TACC2: variants seen among roughly 807,000 people sequenced by gnomAD.
TACC2 encodes the protein transforming acidic coiled-coil containing protein 2, also known as transforming acidic coiled-coil-containing protein 2.
In TACC2, 137 loss-of-function variants were observed where a neutral mutation model predicts 227.3. The observed-to-expected ratio is 0.60, with a 90% CI of 0.52 to 0.69. The LOEUF is 0.69. Among genes scored for constraint, TACC2 ranks in the 30% least tolerant of loss-of-function variants. TACC2 has a pLI of 0.00. For missense variants in TACC2, 3,470 were observed against 3,694.4 expected, an observed-to-expected ratio of 0.94 and a Z score of 1.57; for synonymous variants, 1,523 against 1,487.5, an observed-to-expected ratio of 1.02 and a Z score of -0.55.
chr10:122,195,624 G>C (rs184941342), intron 8 of TACC2, among the ~76,000 whole-genome samples: 79 of 152,306 alleles, frequency 5.2e-4, no homozygotes, highest in African/African-American at 1.6e-3. Flanking sequence ...TATTCCTCAT[G>C]AATCTCGTGT....
chr10:122,237,511 C>T lies in TACC2; in HGVS notation c.8244C>T (p.Asp2748=). 1 of 1,613,904 alleles carries T rather than the reference C, an allele frequency of 6.2e-7. No homozygotes were observed. Among genetic ancestry groups the T allele is most frequent in the Non-Finnish European group, 8.5e-7 (1 of 1,179,858 alleles). The change falls in exon 17 of 23, where the codon GAC becomes GAT. Residue 2748 remains aspartate, a synonymous_variant. Transcript: ENST00000369005. ...AGLLFQQPDL[D]SALQIARAEI... is the part of the protein sequence containing the mutation. ...TTCTGTTCCAGCAGCCCGACCTGGACTCTGCCCTCCAGATCGCCAGAGCAG... is the reference window on the plus strand; with the variant it reads ...TTCTGTTCCAGCAGCCCGACCTGGATTCTGCCCTCCAGATCGCCAGAGCAG...
chr10:122,151,830 T>C (rs7078373), intron 7 of TACC2, among the ~76,000 whole-genome samples: 38,369 of 151,990 alleles, frequency 0.25, 5,648 homozygotes, highest in African/African-American at 0.4. Flanking sequence ...TTCACCAACG[T>C]TGATTGAGCA....
At chr10:122,073,956 A>G (rs2078456262) in intron 3 of TACC2, among the ~76,000 whole-genome samples, 1 of 148,502 alleles carries the variant, frequency 6.7e-6, no homozygotes, top group East Asian at 2.0e-4. Flanking sequence ...ATTTTTTTGT[A>G]TGTTTTATAG....
chr10:122,118,320 G>A (rs759727607), intron 5 of TACC2, among the ~76,000 whole-genome samples: 23 of 152,022 alleles, frequency 1.5e-4, no homozygotes, highest in Non-Finnish European at 2.5e-4. Flanking sequence ...CAGCCTGGAC[G>A]TTACCTTTCT....
chr10:122,085,465 G>C lies in TACC2; in HGVS notation c.2965G>C (p.Gly989Arg), dbSNP rs1488668121. The C allele has an allele frequency of 6.2e-7, 1 of 1,613,780 alleles. No homozygotes were observed. Among genetic ancestry groups the C allele is most frequent in the Admixed American group, 1.7e-5 (1 of 60,034 alleles). ...AAAGGAAACTTGCTGCACTGGGCAGGGGCCAAACAAGTCTCAACAGGCATT... is the reference window on the plus strand; with the variant it reads ...AAAGGAAACTTGCTGCACTGGGCAGCGGCCAAACAAGTCTCAACAGGCATT... The part of the protein sequence containing the change: ...SRKETCCTGQ[G>R]PNKSQQALAD... The change falls in exon 4 of 23, where the codon GGG (glycine) becomes CGG (arginine). Residue 989 changes from glycine to arginine, a missense_variant. Around this residue, in one of 10 missense-constraint regions of TACC2, gnomAD observed 1,924 missense variants for 1,978.3 expected, o/e 0.97. Coordinates refer to ENST00000369005, the MANE Select transcript of TACC2 (RefSeq NM_206862.4).
intron 7 of TACC2, among the ~76,000 whole-genome samples, chr10:122,161,559 C>T (rs538748647): frequency 5.1e-4 from 77 of 152,374 alleles, no homozygotes; most frequent in South Asian, 1.7e-3. Context: ...GGCCACACAG[C>T]TAACGAGGGA....
chr10:122,146,733 C>T (rs2091425704), intron 7 of TACC2, among the ~76,000 whole-genome samples: 1 of 152,180 alleles, frequency 6.6e-6, no homozygotes, highest in African/African-American at 2.4e-5. Context: ...AGGTATTCTG[C>T]TATAAGCAAC....
intron 5 of TACC2, among the ~76,000 whole-genome samples, chr10:122,091,854 C>T (rs10788238): frequency 0.47 from 70,922 of 152,026 alleles, 18,631 homozygotes; most frequent in Non-Finnish European, 0.61. Flanking sequence ...GCTGTGGTGG[C>T]GATGAATTTC....
At chr10:122,133,112 C>G (rs1045264241) in intron 6 of TACC2, among the ~76,000 whole-genome samples, 10 of 152,306 alleles carry the variant, frequency 6.6e-5, no homozygotes, top group African/African-American at 2.4e-4. Flanking sequence ...TAGCTGCCTT[C>G]TGATCTCCTG....
chr10:122,162,499 T>C (rs2092879649), intron 7 of TACC2, among the ~76,000 whole-genome samples: 1 of 152,164 alleles, frequency 6.6e-6, no homozygotes, highest in African/African-American at 2.4e-5. Context: ...TGAATTCAGT[T>C]GTGAGTCTGG....
At chr10:122,104,502 G>A (rs1467632237) in intron 5 of TACC2, among the ~76,000 whole-genome samples, 5 of 152,102 alleles carry the variant, frequency 3.3e-5, no homozygotes, top group Non-Finnish European at 5.9e-5. Context: ...CTGAGTAGCT[G>A]TGATTACAGG....
chr10:122,025,595 A>G (rs1957894947), intron 2 of TACC2, among the ~76,000 whole-genome samples: 1 of 140,512 alleles, frequency 7.1e-6, no homozygotes, highest in Non-Finnish European at 1.5e-5. Flanking sequence ...TTTTTTTGAG[A>G]TGGAGTCTTG....
chr10:122,218,235 G>A (rs538656463), intron 11 of TACC2, among the ~76,000 whole-genome samples: 8 of 152,266 alleles, frequency 5.3e-5, no homozygotes, highest in East Asian at 3.9e-4. Context: ...GAGCCACCGC[G>A]CCTGACCGAT....
intron 18 of TACC2, among the ~76,000 whole-genome samples, chr10:122,240,479 A>G (rs1043345084): frequency 2.6e-5 from 4 of 152,222 alleles, no homozygotes; most frequent in African/African-American, 9.6e-5. Context: ...TGCAGAATGC[A>G]TTCTACCTTC....
intron 6 of TACC2, among the ~76,000 whole-genome samples, chr10:122,139,203 GCT>G (rs1327024834): frequency 6.6e-6 from 1 of 152,230 alleles, no homozygotes; most frequent in Non-Finnish European, 1.5e-5. Flanking sequence ...CTGAGCACGG[GCT>G]CTCTCTGTGA....
chr10:122,248,470 C>G (rs1032224445), intron 19 of TACC2, 173 bp from the exon 20 acceptor site: 1 of 719,844 alleles, frequency 1.4e-6, no homozygotes, highest in African/African-American at 1.8e-5. Flanking sequence ...GGTTTTTGTT[C>G]TGTTAGAGAC....
chr10:122,034,665 C>T (rs1456903324), intron 2 of TACC2, among the ~76,000 whole-genome samples: 3 of 152,164 alleles, frequency 2.0e-5, no homozygotes, highest in South Asian at 2.1e-4. Flanking sequence ...GGCGCAGTGG[C>T]TCACGCCTGT....
chr10:122,152,253 C>T (rs1592659510), intron 7 of TACC2, among the ~76,000 whole-genome samples: 2 of 152,302 alleles, frequency 1.3e-5, no homozygotes, highest in East Asian at 3.9e-4. Context: ...ATTACAGGGT[C>T]CTGCCTGCCT....
rs1593284889 is a variant in TACC2, at chr10:122,202,978, A to G, written c.5972-7419A>G. On this transcript the variant is annotated intron_variant, in intron 8 of 22. Transcript: ENST00000369005. ...TTTCAGAGAGCACAGGGTTGGGGGT[A>G]AGGTCACAGATCAACAGGATCCCAA... 3.3e-5 allele frequency among the ~76,000 whole-genome samples: 5 copies of G among 151,790 alleles called. 1 individual carries two copies. The highest frequency in any genetic ancestry group is 7.3e-5 in the African/African-American group (3 of 41,270).
Sources: allele counts gnomAD v4.1 joint callset (sites outside exome capture counted in the v4.1 genomes callset), GRCh38; gene constraint gnomAD v4.1.1; regional missense constraint gnomAD v4.1.1; transcripts MANE v1.5; gene names NCBI Gene and HGNC (gene_info 2026-07-23, HGNC 2026-07-21).